Variants in MCUB observed in about 807,000 individuals in gnomAD.
The protein encoded by MCUB is calcium uniporter regulatory subunit MCUb, mitochondrial.
In MCUB, 46 loss-of-function variants were observed where a neutral mutation model predicts 41.4. The ratio of observed to expected loss-of-function variants is 1.11; its 90% CI spans 0.88 to 1.42. The LOEUF (loss-of-function observed/expected upper bound fraction) is 1.42, where lower values mean the gene tolerates loss of function less well. Ranked by LOEUF, MCUB falls within the 40% of genes most tolerant of loss-of-function variation. MCUB has a pLI of 0.00. For synonymous variants in MCUB, 148 were observed against 148.2 expected, an observed-to-expected ratio of 1.00 and a Z score of 0.01; for missense variants, 403 against 404.9, an observed-to-expected ratio of 1.00 and a Z score of 0.04.
intron 1 of MCUB, among the ~76,000 whole-genome samples, chr4:109,602,333 T>C (rs528691589): frequency 6.6e-6 from 1 of 152,360 alleles, no homozygotes; most frequent in South Asian, 2.1e-4. Flanking sequence ...TGTAGTAGTT[T>C]TGTAGTTTCA....
chr4:109,567,131 CAAAAAAAAAAA>C (rs397994929), intron 1 of MCUB, among the ~76,000 whole-genome samples: 1 of 56,000 alleles, frequency 1.8e-5, no homozygotes, highest in Non-Finnish European at 3.9e-5. Flanking sequence ...GACTCCATCT[CAAAAAAAAAAA>C]AAAAAAAAAA....
Position 109,657,080 on chromosome 4 carries a change from A to G in MCUB, c.100-1931A>G, listed in dbSNP as rs558710037. Among the ~76,000 whole-genome samples, 26 of 152,210 alleles carry G rather than the reference A, an allele frequency of 1.7e-4. 1 individual carries two copies. The South Asian group carries it at 5.4e-3, about 32-fold the overall frequency. ...TAAAAATACAAAAAATTAGCCAGGC[A>G]TGGTGGCAGGTGCCTATAACCCCAG... On this transcript the variant is annotated intron_variant, in intron 1 of 7. Coordinates refer to ENST00000394650, the MANE Select transcript of MCUB (RefSeq NM_017918.5).
chr4:109,579,169 T>A lies in MCUB; in HGVS notation c.99+18733T>A, dbSNP rs561030443. On this transcript the variant is annotated intron_variant, in intron 1 of 7. Coordinates refer to ENST00000394650, the MANE Select transcript of MCUB (RefSeq NM_017918.5). ...TGTTTTGTACTTTAAAATGCATGGT[T>A]GTGGATTTGAAACTCAGAAGTGTAT... 5.1e-4 allele frequency among the ~76,000 whole-genome samples: 77 copies of A among 152,340 alleles called. 1 individual carries two copies. The highest frequency in any genetic ancestry group is 1.8e-3 in the African/African-American group (75 of 41,582).
In MCUB at chr4:109,684,670, G is replaced by A; in HGVS notation, c.816+24G>A. The stretch of plus-strand genomic sequence containing the variant: ...AGGTGAGTAGTTTGTTAGGAAAATG[G>A]TAAGTTAGAACATCTTTGCAAAGAA... On this transcript the variant is annotated intron_variant, in intron 6 of 7. Coordinates refer to ENST00000394650, the MANE Select transcript of MCUB (RefSeq NM_017918.5). The A allele has an allele frequency of 2.7e-6, 3 of 1,131,068 alleles. No individual in the cohort carries two copies. The South Asian group carries it at 3.9e-5, about 15-fold the overall frequency. 70.1% of individuals were successfully genotyped at this position (1,131,068 alleles called of 1,614,324 possible).
intron 4 of MCUB, among the ~76,000 whole-genome samples, chr4:109,678,614 C>T (rs1273200446): frequency 7.0e-6 from 1 of 143,574 alleles, no homozygotes; most frequent in Non-Finnish European, 1.5e-5. Flanking sequence ...AGAGGCACTC[C>T]TCACCTCCCA....
intron 1 of MCUB, among the ~76,000 whole-genome samples, chr4:109,562,146 C>G (rs1034601828): frequency 1.3e-5 from 2 of 152,100 alleles, no homozygotes; most frequent in East Asian, 1.9e-4. Flanking sequence ...CCTGCAAATC[C>G]TTTTCTCCAT....
At chr4:109,593,368 A>G (rs1009098504) in intron 1 of MCUB, among the ~76,000 whole-genome samples, 1 of 152,214 alleles carries the variant, frequency 6.6e-6, no homozygotes, top group African/African-American at 2.4e-5. Flanking sequence ...AGTTATTTCC[A>G]GTTTTCCCAT....
chr4:109,684,944 G>C lies in MCUB; in HGVS notation c.816+298G>C, dbSNP rs79767749. On this transcript the variant is annotated intron_variant, in intron 6 of 7. Transcript: ENST00000394650. ...CTGAATTTGCATTGCAAAACATTCA[G>C]TAACATCAGCTTTGCCTCATGGTTA... is the stretch of plus-strand genomic sequence containing the variant. 1,302 of 387,598 alleles carry C rather than the reference G, an allele frequency of 3.4e-3. 13 individuals are homozygous for C. The highest frequency in any genetic ancestry group is 0.024 in the African/African-American group (1,169 of 48,452). 24.0% of individuals were successfully genotyped at this position (387,598 alleles called of 1,614,324 possible).
intron 1 of MCUB, 55 bp downstream of exon 1, chr4:109,560,491 G>A: frequency 1.2e-6 from 1 of 854,614 alleles, no homozygotes. Context: ...CAAAGTTTGC[G>A]TTGGACAACT....
chr4:109,681,797 G>A (rs541152793), intron 4 of MCUB, among the ~76,000 whole-genome samples: 4 of 152,308 alleles, frequency 2.6e-5, no homozygotes, highest in Admixed American at 6.5e-5. Flanking sequence ...AGTCTGCTAC[G>A]GCGGCAAAAC....
At position 109,583,664 on chromosome 4, in the gene MCUB, A is replaced by AT. The variant is rs1727237799; in HGVS notation, c.99+23233dup. On this transcript the variant is annotated intron_variant, in intron 1 of 7. Transcript: ENST00000394650. ...CCAGTTTTCAAAGGGAATGCTTCCA[A>AT]TTTTTGCCCATTCAGTATGATATTG... Among the ~76,000 whole-genome samples the AT allele has an allele frequency of 2.0e-5, 3 of 151,952 alleles. No homozygotes were observed. The South Asian group carries it at 6.2e-4, about 32-fold the overall frequency.
intron 1 of MCUB, among the ~76,000 whole-genome samples, chr4:109,569,249 T>C (rs1178227971): frequency 6.6e-6 from 1 of 151,912 alleles, no homozygotes; most frequent in African/African-American, 2.4e-5. Context: ...GGTTTCACCA[T>C]GTTAGCCAGG....
chr4:109,669,813 A>G (rs1232575275), intron 4 of MCUB, among the ~76,000 whole-genome samples: 1 of 152,068 alleles, frequency 6.6e-6, no homozygotes, highest in Non-Finnish European at 1.5e-5. Flanking sequence ...TAACAAGCCC[A>G]TTAAAGGCCT....
At position 109,660,097 on chromosome 4, in the gene MCUB, G is replaced by C; in HGVS notation, c.176-98G>C. The C allele has an allele frequency of 4.5e-6, 3 of 659,496 alleles. No homozygotes were observed. In the South Asian group the frequency reaches 6.2e-5, roughly 14 times the overall value. 40.9% of individuals were successfully genotyped at this position (659,496 alleles called of 1,614,324 possible). A position where few individuals can be genotyped will look rare whatever the true frequency, so the allele number is the denominator to read the frequency against. The stretch of plus-strand genomic sequence containing the variant: ...AATTTTTATAAGACTTCAGAGGTTT[G>C]TGAATTTCATGTTTGAGCATTCCTT... On this transcript the variant is annotated intron_variant, in intron 2 of 7. Coordinates refer to ENST00000394650, the MANE Select transcript of MCUB (RefSeq NM_017918.5).
At chr4:109,587,415 C>T (rs1340209917) in intron 1 of MCUB, among the ~76,000 whole-genome samples, 10 of 150,122 alleles carry the variant, frequency 6.7e-5, no homozygotes, top group East Asian at 1.9e-4. Context: ...TTGTGCTTCC[C>T]GGGTGAGGCG....
At chr4:109,676,908 A>G (rs1729586567) in intron 4 of MCUB, among the ~76,000 whole-genome samples, 1 of 152,232 alleles carries the variant, frequency 6.6e-6, no homozygotes, top group South Asian at 2.1e-4. Flanking sequence ...GCAGAATGTA[A>G]AATATTTGGA....
At chr4:109,588,004 T>G (rs1024926227) in intron 1 of MCUB, among the ~76,000 whole-genome samples, 2 of 152,218 alleles carry the variant, frequency 1.3e-5, no homozygotes, top group African/African-American at 4.8e-5. Flanking sequence ...ACAGAAACCT[T>G]AAAGTGTTGC....
At chr4:109,684,695 A>AT (rs778833104) in intron 6 of MCUB, 49 bp downstream of exon 6, 34 of 885,326 alleles carry the variant, frequency 3.8e-5, no homozygotes, top group Non-Finnish European at 6.0e-5. Context: ...TTTGCAAAGA[A>AT]TGTCTTATCT....
rs1729916264 is a variant in MCUB at position 109,688,666 on chromosome 4, T to G, written c.*1074T>G. ...TTTTATTAAGGGATGATTTAATTCC[T>G]GGATTTCAAAAACCTTTAAAAACAT... is the stretch of plus-strand genomic sequence containing the variant. On this transcript the variant is annotated 3_prime_UTR_variant, in exon 8 of 8. Transcript: ENST00000394650. 1 of 152,210 alleles carries G rather than the reference T, an allele frequency of 6.6e-6. No individual in the cohort carries two copies. Among genetic ancestry groups the G allele is most frequent in the Non-Finnish European group, 1.5e-5 (1 of 68,036 alleles). 9.4% of individuals were successfully genotyped at this position (152,210 alleles called of 1,614,324 possible). A position where few individuals can be genotyped will look rare whatever the true frequency, so the allele number is the denominator to read the frequency against.
Sources: allele counts gnomAD v4.1 joint callset (sites outside exome capture counted in the v4.1 genomes callset), GRCh38; gene constraint gnomAD v4.1.1; transcripts MANE v1.5; gene names NCBI Gene and HGNC (gene_info 2026-07-23, HGNC 2026-07-21).